ARL15: variants seen among roughly 807,000 people sequenced by gnomAD.
The protein encoded by ARL15 is ADP-ribosylation factor-like protein 15.
Under a neutral mutation model 25.2 loss-of-function variants are expected in ARL15, and 19 were observed. The ratio of observed to expected loss-of-function variants is 0.75; its 90% CI spans 0.53 to 1.10. ARL15 has a LOEUF of 1.10. Among genes scored for constraint, ARL15 ranks in the 50% least tolerant of loss-of-function variants. The probability of loss-of-function intolerance (pLI) is 0.00; values close to 1 mark genes in which losing one functional copy is unlikely to be tolerated. For missense variants in ARL15, 220 were observed against 246.0 expected, an observed-to-expected ratio of 0.89 and a Z score of 0.71; for synonymous variants, 94 against 86.8, an observed-to-expected ratio of 1.08 and a Z score of -0.46.
At chr5:54,238,999 T>C (rs140015171) in intron 1 of ARL15, among the ~76,000 whole-genome samples, 2 of 152,332 alleles carry the variant, frequency 1.3e-5, no homozygotes, top group Non-Finnish European at 2.9e-5. Context: ...CATTAATGAC[T>C]CTTCTAAGTA....
At chr5:54,205,502 T>C (rs1755844400) in intron 1 of ARL15, among the ~76,000 whole-genome samples, 1 of 152,184 alleles carries the variant, frequency 6.6e-6, no homozygotes, top group Admixed American at 6.5e-5. Flanking sequence ...CCCAGAATCA[T>C]TGCCTCTCCT....
At chr5:54,227,536 C>T (rs1756559130) in intron 1 of ARL15, among the ~76,000 whole-genome samples, 1 of 152,180 alleles carries the variant, frequency 6.6e-6, no homozygotes, top group Non-Finnish European at 1.5e-5. Context: ...CCCTCCCACT[C>T]CAGAATTTAG....
At chr5:54,131,998 C>T (rs1753453059) in intron 3 of ARL15, among the ~76,000 whole-genome samples, 1 of 151,324 alleles carries the variant, frequency 6.6e-6, no homozygotes, top group Non-Finnish European at 1.5e-5. Flanking sequence ...TTTATAGATA[C>T]AAACCCAAAA....
intron 4 of ARL15, among the ~76,000 whole-genome samples, chr5:53,912,798 C>T (rs1038143439): frequency 6.6e-6 from 1 of 152,164 alleles, no homozygotes; most frequent in African/African-American, 2.4e-5. Context: ...TCAACAGGAA[C>T]CTACTACATG....
chr5:54,125,414 A>G (rs996106765), intron 3 of ARL15, among the ~76,000 whole-genome samples: 8 of 152,198 alleles, frequency 5.3e-5, no homozygotes, highest in African/African-American at 1.4e-4. Flanking sequence ...TCTCTCACCT[A>G]GGAATGGAGG....
At chr5:53,932,709 A>T (rs1188698812) in intron 4 of ARL15, among the ~76,000 whole-genome samples, 2 of 152,220 alleles carry the variant, frequency 1.3e-5, no homozygotes, top group Non-Finnish European at 2.9e-5. Flanking sequence ...GGTTATAGGT[A>T]ACACTGGACA....
intron 3 of ARL15, among the ~76,000 whole-genome samples, chr5:54,124,575 A>T (rs1192995104): frequency 6.6e-6 from 1 of 152,228 alleles, no homozygotes; most frequent in African/African-American, 2.4e-5. Flanking sequence ...CTCAAAAATC[A>T]GATCATTCTA....
At chr5:53,968,002 A>C (rs1747619622) in intron 4 of ARL15, among the ~76,000 whole-genome samples, 1 of 152,198 alleles carries the variant, frequency 6.6e-6, no homozygotes, top group Non-Finnish European at 1.5e-5. Context: ...TTCCAGGTCT[A>C]GAGGAGTAAG....
chr5:53,990,321 C>A (rs1243323258), intron 4 of ARL15, among the ~76,000 whole-genome samples: 1 of 152,060 alleles, frequency 6.6e-6, no homozygotes, highest in Non-Finnish European at 1.5e-5. Flanking sequence ...AAAGAATGCT[C>A]CTAGAGTAGA....
chr5:54,193,330 A>T (rs1293114624), intron 1 of ARL15, among the ~76,000 whole-genome samples: 1 of 152,092 alleles, frequency 6.6e-6, no homozygotes, highest in African/African-American at 2.4e-5. Flanking sequence ...TCACCTCTTA[A>T]ATATTTCTGT....
intron 4 of ARL15, among the ~76,000 whole-genome samples, chr5:53,990,891 AAATTATGTGCT>A (rs1748467963): frequency 6.6e-6 from 1 of 152,170 alleles, no homozygotes; most frequent in Non-Finnish European, 1.5e-5. Context: ...AAAAATTTTG[AAATTATGTGCT>A]AATTATGTGC....
intron 1 of ARL15, among the ~76,000 whole-genome samples, chr5:54,214,150 T>C (rs1756119828): frequency 6.6e-6 from 1 of 152,088 alleles, no homozygotes; most frequent in African/African-American, 2.4e-5. Context: ...GAAGGACCAC[T>C]ACCCAGAGAT....
At chr5:54,117,653 A>G (rs1163154416) in intron 3 of ARL15, among the ~76,000 whole-genome samples, 2 of 152,190 alleles carry the variant, frequency 1.3e-5, no homozygotes, top group Non-Finnish European at 2.9e-5. Context: ...CAAAGTAGAC[A>G]GTTGATTTGA....
intron 4 of ARL15, among the ~76,000 whole-genome samples, chr5:54,056,691 G>C (rs568768151): frequency 2.6e-5 from 4 of 151,584 alleles, no homozygotes; most frequent in African/African-American, 9.7e-5. Flanking sequence ...CTGACACCTC[G>C]TGGGGTTGGG....
intron 4 of ARL15, among the ~76,000 whole-genome samples, chr5:53,928,118 T>C (rs1289824124): frequency 6.6e-6 from 1 of 152,166 alleles, no homozygotes; most frequent in Non-Finnish European, 1.5e-5. Flanking sequence ...TAACTAACGT[T>C]ACTGGAGTCT....
intron 4 of ARL15, among the ~76,000 whole-genome samples, chr5:54,035,726 TAC>T (rs553544075): frequency 7.0e-4 from 106 of 152,326 alleles, no homozygotes; most frequent in East Asian, 4.2e-3. Context: ...CTATTTCCAA[TAC>T]AGAGTCTATT....
At chr5:53,928,178 C>T (rs1746092200) in intron 4 of ARL15, among the ~76,000 whole-genome samples, 1 of 152,072 alleles carries the variant, frequency 6.6e-6, no homozygotes, top group African/African-American at 2.4e-5. Context: ...AGTTAAGATT[C>T]GGATAGCTGA....
chr5:54,074,900 A>G (rs1165927361), intron 4 of ARL15, among the ~76,000 whole-genome samples: 1 of 151,782 alleles, frequency 6.6e-6, no homozygotes, highest in East Asian at 1.9e-4. Flanking sequence ...CCCAGGTCTC[A>G]GTGGTAGCAA....
At chr5:54,037,878 A>G (rs902639077) in intron 4 of ARL15, among the ~76,000 whole-genome samples, 2 of 152,128 alleles carry the variant, frequency 1.3e-5, no homozygotes, top group Non-Finnish European at 2.9e-5. Flanking sequence ...TGGCAGCAAT[A>G]TAATGATTTT....
Sources: gnomAD v4.1 joint callset for allele counts (sites outside exome capture counted in the v4.1 genomes callset) on GRCh38, gnomAD v4.1.1 for gene constraint, MANE v1.5 for transcripts, NCBI Gene and HGNC (gene_info 2026-07-23, HGNC 2026-07-21) for gene names.